The following GPLD1 variants were observed in gnomAD, a reference collection of about 807,000 sequenced individuals.
GPLD1 encodes the protein glycosylphosphatidylinositol specific phospholipase D1.
A neutral mutation model predicts 112.6 loss-of-function variants in GPLD1; 84 were observed. The ratio of observed to expected loss-of-function variants is 0.75; its 90% CI spans 0.63 to 0.89. The LOEUF (loss-of-function observed/expected upper bound fraction) is 0.89, where lower values mean the gene tolerates loss of function less well. GPLD1 is among the 40% of genes least tolerant of loss of function. The pLI is 0.00. For missense variants in GPLD1, 1,044 were observed against 1,051.5 expected (o/e 0.99, Z 0.10); for synonymous variants, 386 against 403.8 (o/e 0.96, Z 0.53).
intron 7 of GPLD1, among the ~76,000 whole-genome samples, 172 bp downstream of exon 7, chr6:24,472,410 T>C (rs1212404876): frequency 6.6e-6 from 1 of 152,158 alleles, no homozygotes; most frequent in Non-Finnish European, 1.5e-5. Context: ...CAAAATTGAG[T>C]GGAATTCAAT....
chr6:24,456,928 T>G (rs11758106), intron 12 of GPLD1, among the ~76,000 whole-genome samples: 46,551 of 151,968 alleles, frequency 0.31, 8,684 homozygotes, highest in Middle Eastern at 0.43. Flanking sequence ...TGGAGTGCAG[T>G]GGCACGATCT....
At chr6:24,442,148 G>T (rs2793425) in intron 20 of GPLD1, among the ~76,000 whole-genome samples, 4 of 150,622 alleles carry the variant, frequency 2.7e-5, no homozygotes. Context: ...AAAAAATAGG[G>T]TCTCACTCTG....
At position 24,428,424 on chromosome 6, in the gene GPLD1, T is replaced by C. The variant is rs1447012334; in HGVS notation, c.*608A>G. ...TCTCATAGGCCCCAGTGTGTGTTGT[T>C]TCCCTCTATGTGTCCACGTGTTCTC... On this transcript the variant is annotated 3_prime_UTR_variant, in exon 25 of 25. Transcript: ENST00000230036. 1 of 152,262 alleles carries C rather than the reference T, an allele frequency of 6.6e-6. No individual in the cohort carries two copies. The highest frequency in any genetic ancestry group is 1.9e-4 in the East Asian group (1 of 5,164). The allele number at this position is 152,262 out of a possible 1,614,324, so 9.4% of individuals were successfully genotyped here. A position where few individuals can be genotyped will look rare whatever the true frequency, so the allele number is the denominator to read the frequency against.
chr6:24,494,289 T>C (rs11759284), upstream of GPLD1, among the ~76,000 whole-genome samples: 1 of 152,086 alleles, frequency 6.6e-6, no homozygotes, highest in South Asian at 2.1e-4. Context: ...GTGACTGGAC[T>C]AAGGTTAACC....
chr6:24,488,182 C>A (rs1051161883), intron 1 of GPLD1, among the ~76,000 whole-genome samples: 5 of 151,942 alleles, frequency 3.3e-5, no homozygotes, highest in South Asian at 2.1e-4. Context: ...CCGAGGCAGG[C>A]GGATCGCAAG....
At chr6:24,463,327 G>T (rs1383905614) in intron 10 of GPLD1, among the ~76,000 whole-genome samples, 1 of 152,198 alleles carries the variant, frequency 6.6e-6, no homozygotes, top group Admixed American at 6.5e-5. Flanking sequence ...GAAGCACTGA[G>T]GAAGCAGGTA....
intron 1 of GPLD1, among the ~76,000 whole-genome samples, chr6:24,486,837 C>T (rs2127372651): frequency 6.6e-6 from 1 of 151,826 alleles, no homozygotes; most frequent in Non-Finnish European, 1.5e-5. Flanking sequence ...AAGAAACTGT[C>T]ATCATATTTT....
In GPLD1 at chr6:24,453,905, T is replaced by C. The variant is rs747462682; in HGVS notation, c.1335+110A>G. The C allele has an allele frequency of 3.1e-5, 22 of 716,156 alleles. No individual in the cohort carries two copies. In the South Asian group the frequency reaches 4.0e-4, roughly 13 times the overall value. 44.4% of individuals were successfully genotyped at this position (716,156 alleles called of 1,614,324 possible). A position where few individuals can be genotyped will look rare whatever the true frequency, so the allele number is the denominator to read the frequency against. On this transcript the variant is annotated intron_variant, in intron 14 of 24. Coordinates refer to ENST00000230036, the MANE Select transcript of GPLD1 (RefSeq NM_001503.4). ...CTTCACAAATGTACACCACCAGCTG[T>C]TTGTTACTGTAATTATTCTTGTTAT...
At chr6:24,486,623 C>A (rs1248988536) in intron 1 of GPLD1, among the ~76,000 whole-genome samples, 10 of 152,090 alleles carry the variant, frequency 6.6e-5, no homozygotes, top group Non-Finnish European at 1.0e-4. Context: ...TCAAGACCAG[C>A]CTGATCAACA....
At chr6:24,459,546 C>G (rs1210240776) in intron 12 of GPLD1, among the ~76,000 whole-genome samples, 1 of 152,160 alleles carries the variant, frequency 6.6e-6, no homozygotes, top group Non-Finnish European at 1.5e-5. Context: ...CGTGAGCCAC[C>G]ACGCCCATTC....
At chr6:24,467,736 A>G (rs572036831) in intron 7 of GPLD1, among the ~76,000 whole-genome samples, 28 of 152,322 alleles carry the variant, frequency 1.8e-4, no homozygotes, top group African/African-American at 6.5e-4. Flanking sequence ...CAGAGTATAT[A>G]AAGTATACAA....
chr6:24,459,556 C>T (rs1434923597), intron 12 of GPLD1, among the ~76,000 whole-genome samples: 1 of 152,174 alleles, frequency 6.6e-6, no homozygotes, highest in Non-Finnish European at 1.5e-5. Context: ...CACGCCCATT[C>T]TCCCTACTAT....
intron 18 of GPLD1, among the ~76,000 whole-genome samples, chr6:24,446,357 A>AC (rs1234224732): frequency 6.6e-6 from 1 of 151,332 alleles, no homozygotes; most frequent in Non-Finnish European, 1.5e-5. Flanking sequence ...ATTAAAAAAA[A>AC]AAATTAGCTA....
At chr6:24,466,444 G>A (rs945125132) in intron 10 of GPLD1, among the ~76,000 whole-genome samples, 2 of 152,212 alleles carry the variant, frequency 1.3e-5, no homozygotes, top group Non-Finnish European at 2.9e-5. Flanking sequence ...TGCAATAACT[G>A]TCTCTCTATT....
chr6:24,425,536 T>A (rs1230694309), downstream of GPLD1: 1 of 152,266 alleles, frequency 6.6e-6, no homozygotes, highest in Non-Finnish European at 1.5e-5. Flanking sequence ...GATTGCAGGA[T>A]GCTTCTTATA....
rs528297763 is a variant in GPLD1, at chr6:24,488,690, T to C, written c.97+725A>G. Among the ~76,000 whole-genome samples, 65 of 152,302 alleles carry C rather than the reference T, an allele frequency of 4.3e-4. No homozygotes were observed. The South Asian group carries it at 0.013, about 30-fold the overall frequency. On this transcript the variant is annotated intron_variant, in intron 1 of 24. Transcript: ENST00000230036. ...AATCATTTCACAAGGCATACATATA[T>C]CAACACATCATGTTGTATATCTTAA... is the stretch of plus-strand genomic sequence containing the variant.
At chr6:24,481,575 C>T (rs1036255746) in intron 2 of GPLD1, among the ~76,000 whole-genome samples, 1 of 152,146 alleles carries the variant, frequency 6.6e-6, no homozygotes, top group African/African-American at 2.4e-5. Context: ...CTGTGGCCAG[C>T]ATGCCCACCC....
intron 20 of GPLD1, among the ~76,000 whole-genome samples, chr6:24,441,791 A>T (rs1016003713): frequency 6.6e-6 from 1 of 152,162 alleles, no homozygotes; most frequent in Non-Finnish European, 1.5e-5. Flanking sequence ...AATTGTCAAC[A>T]ATGTTTTAAC....
chr6:24,440,581 C>CAAAAAAAAAAAAA (rs58480061), intron 20 of GPLD1, among the ~76,000 whole-genome samples: 23 of 118,518 alleles, frequency 1.9e-4, no homozygotes, highest in Middle Eastern at 6.5e-3. Context: ...AAAAAATACT[C>CAAAAAAAAAAAAA]AAAAAAAAAA....
Sources: allele counts gnomAD v4.1 joint callset (sites outside exome capture counted in the v4.1 genomes callset), GRCh38; gene constraint gnomAD v4.1.1; transcripts MANE v1.5; gene names NCBI Gene and HGNC (gene_info 2026-07-23, HGNC 2026-07-21).